NEDD4L: variants seen among roughly 807,000 people sequenced by gnomAD.
NEDD4L encodes the protein E3 ubiquitin-protein ligase NEDD4-like.
In NEDD4L, 54 loss-of-function variants were observed where a neutral mutation model predicts 148.9. That is an observed-to-expected ratio of 0.36 (90% CI 0.29 to 0.45). The LOEUF (loss-of-function observed/expected upper bound fraction) is 0.45. Ranked by LOEUF, NEDD4L falls within the 20% of genes least tolerant of loss-of-function variation. The pLI, the probability that NEDD4L is intolerant of heterozygous loss-of-function variation, is 1.00. For synonymous variants in NEDD4L, 433 were observed against 440.7 expected, an observed-to-expected ratio of 0.98 and a Z score of 0.22; for missense variants, 856 against 1,233.8, an observed-to-expected ratio of 0.69 and a Z score of 4.59.
chr18:58,359,529 A>G (rs946765574), intron 19 of NEDD4L, among the ~76,000 whole-genome samples: 1 of 152,214 alleles, frequency 6.6e-6, no homozygotes, highest in Non-Finnish European at 1.5e-5. Flanking sequence ...TAATAGTCAA[A>G]TAGTCATTAA....
At chr18:58,232,267 G>A (rs1176729347) in intron 2 of NEDD4L, among the ~76,000 whole-genome samples, 1 of 152,192 alleles carries the variant, frequency 6.6e-6, no homozygotes, top group Non-Finnish European at 1.5e-5. Flanking sequence ...AACACACACA[G>A]TAACTTAAGA....
At chr18:58,368,934 A>C (rs2046456452) in intron 22 of NEDD4L, among the ~76,000 whole-genome samples, 1 of 152,212 alleles carries the variant, frequency 6.6e-6, no homozygotes, top group Non-Finnish European at 1.5e-5. Flanking sequence ...CAGTTTAGTC[A>C]CCGTATGCAA....
At chr18:58,059,721 G>A (rs1259175880) in intron 1 of NEDD4L, among the ~76,000 whole-genome samples, 2 of 152,168 alleles carry the variant, frequency 1.3e-5, no homozygotes, top group Non-Finnish European at 2.9e-5. Context: ...GGTGACTCTG[G>A]TTAGTAACAA....
intron 1 of NEDD4L, among the ~76,000 whole-genome samples, chr18:58,130,098 C>T (rs1344912257): frequency 6.8e-6 from 1 of 147,990 alleles, no homozygotes; most frequent in Non-Finnish European, 1.5e-5. Context: ...CGGTGTTGGG[C>T]TCTGTTGGGG....
At position 58,342,982 on chromosome 18, in the gene NEDD4L, A is replaced by G; in HGVS notation, c.1454A>G (p.Tyr485Cys). 6.2e-7 allele frequency: 1 copy of G among 1,613,878 alleles called. No homozygotes were observed. ...CCACAGTCCCCACAGCCATCACCTTACAACTCCCCCAAACCACAACACAAA... is the reference window on the plus strand; with the variant it reads ...CCACAGTCCCCACAGCCATCACCTTGCAACTCCCCCAAACCACAACACAAA... ...SNPQSPQPSP[Y>C]NSPKPQHKVT... The change falls in exon 16 of 31, where the codon TAC becomes TGC. Residue 485 changes from tyrosine (Y) to cysteine (C), a missense_variant. By Grantham distance (194) the Tyr-to-Cys change is radical. Coordinates refer to ENST00000400345, the MANE Select transcript of NEDD4L (RefSeq NM_001144967.3).
intron 13 of NEDD4L, among the ~76,000 whole-genome samples, chr18:58,338,443 G>A (rs2042035426): frequency 6.6e-6 from 1 of 152,216 alleles, no homozygotes. Flanking sequence ...GTCATTTGGA[G>A]AGAACACTGT....
At chr18:58,221,016 G>A (rs1252509585) in intron 2 of NEDD4L, among the ~76,000 whole-genome samples, 1 of 152,178 alleles carries the variant, frequency 6.6e-6, no homozygotes, top group African/African-American at 2.4e-5. Context: ...TTTACAGGGC[G>A]GGGCTGTCTC....
intron 16 of NEDD4L, among the ~76,000 whole-genome samples, chr18:58,348,236 A>G (rs908288080): frequency 1.3e-5 from 2 of 151,678 alleles, no homozygotes; most frequent in African/African-American, 4.8e-5. Context: ...GGGCTCAAGC[A>G]GTCCTCCCGC....
intron 1 of NEDD4L, among the ~76,000 whole-genome samples, chr18:58,091,948 C>T (rs2084097893): frequency 6.6e-6 from 1 of 152,222 alleles, no homozygotes; most frequent in Non-Finnish European, 1.5e-5. Flanking sequence ...TGTTGCTTCC[C>T]CACTGGCCAT....
chr18:58,214,317 CTGTTCA>C (rs1274175208), intron 2 of NEDD4L, among the ~76,000 whole-genome samples: 1 of 152,156 alleles, frequency 6.6e-6, no homozygotes, highest in Non-Finnish European at 1.5e-5. Flanking sequence ...CATCCCATAT[CTGTTCA>C]TGTGATGATA....
chr18:58,386,493 T>C (rs1252592424), intron 26 of NEDD4L, among the ~76,000 whole-genome samples: 1 of 152,252 alleles, frequency 6.6e-6, no homozygotes, highest in Non-Finnish European at 1.5e-5. Context: ...ATGACAGCTT[T>C]TACCCTGTTA....
At chr18:58,367,582 G>C in intron 21 of NEDD4L, among the ~76,000 whole-genome samples, 164 bp from the exon 22 acceptor site, 1 of 152,198 alleles carries the variant, frequency 6.6e-6, no homozygotes. Flanking sequence ...GGTGGGTCAC[G>C]GTTGAGCATG....
At chr18:58,082,164 A>G (rs1334263526) in intron 1 of NEDD4L, among the ~76,000 whole-genome samples, 6 of 133,388 alleles carry the variant, frequency 4.5e-5, no homozygotes, top group Non-Finnish European at 6.1e-5. Context: ...CTGGAGTGCA[A>G]TGGCATGATC....
At chr18:58,127,542 TA>T (rs879413031) in intron 1 of NEDD4L, among the ~76,000 whole-genome samples, 349 of 141,238 alleles carry the variant, frequency 2.5e-3, no homozygotes, top group Admixed American at 2.6e-3. Flanking sequence ...CACCTTTATT[TA>T]AAAAAAAAAA....
intron 9 of NEDD4L, among the ~76,000 whole-genome samples, chr18:58,327,221 C>T (rs936254685): frequency 3.3e-5 from 5 of 152,182 alleles, no homozygotes; most frequent in African/African-American, 1.2e-4. Context: ...CCTTGGCCTC[C>T]TGAGTAGCTG....
chr18:58,104,994 G>A (rs1383827032), intron 1 of NEDD4L, among the ~76,000 whole-genome samples: 1 of 152,118 alleles, frequency 6.6e-6, no homozygotes, highest in African/African-American at 2.4e-5. Context: ...GTTAGAGGTG[G>A]GATATTAGTG....
intron 16 of NEDD4L, among the ~76,000 whole-genome samples, chr18:58,345,844 C>T (rs1426851684): frequency 6.6e-6 from 1 of 151,864 alleles, no homozygotes; most frequent in East Asian, 1.9e-4. Flanking sequence ...CGGGTTCATG[C>T]GATTCTCTTG....
intron 1 of NEDD4L, among the ~76,000 whole-genome samples, chr18:58,057,705 TG>T (rs1568152743): frequency 1.3e-5 from 2 of 152,208 alleles, no homozygotes; most frequent in African/African-American, 4.8e-5. Context: ...GTCAATTCCA[TG>T]GGCTGGTAAT....
At chr18:58,382,551 G>T (rs538387972) in intron 24 of NEDD4L, among the ~76,000 whole-genome samples, 3 of 152,032 alleles carry the variant, frequency 2.0e-5, no homozygotes, top group African/African-American at 7.2e-5. Flanking sequence ...AAAATAGTAG[G>T]CCTCTCTCCC....
Sources: gnomAD v4.1 joint callset for allele counts (sites outside exome capture counted in the v4.1 genomes callset) on GRCh38, gnomAD v4.1.1 for gene constraint, MANE v1.5 for transcripts, NCBI Gene and HGNC (gene_info 2026-07-23, HGNC 2026-07-21) for gene names.